Variants in ARFGEF2 observed in about 807,000 individuals in gnomAD.
ARFGEF2 encodes the protein brefeldin A-inhibited guanine nucleotide-exchange protein 2.
Under a neutral mutation model 219.9 loss-of-function variants are expected in ARFGEF2, and 74 were observed. That is an observed-to-expected ratio of 0.34 (90% CI 0.28 to 0.41). The LOEUF (loss-of-function observed/expected upper bound fraction) is 0.41, where lower values mean the gene tolerates loss of function less well. Ranked by LOEUF, ARFGEF2 falls within the 10% of genes least tolerant of loss-of-function variation. The pLI is 1.00. For missense variants in ARFGEF2, 1,743 were observed against 2,218.3 expected (o/e 0.79, Z 4.30); for synonymous variants, 733 against 799.2 (o/e 0.92, Z 1.40).
intron 1 of ARFGEF2, among the ~76,000 whole-genome samples, chr20:48,940,753 A>G (rs1280647995): frequency 6.6e-6 from 1 of 152,176 alleles, no homozygotes. Flanking sequence ...GGCAATGTCT[A>G]CAGACGTTTT....
chr20:48,967,010 C>A (rs1402099662), intron 8 of ARFGEF2, among the ~76,000 whole-genome samples: 1 of 152,072 alleles, frequency 6.6e-6, no homozygotes, highest in Non-Finnish European at 1.5e-5. Flanking sequence ...CCATACCTGG[C>A]TAATTTTTTA....
At position 48,929,848 on chromosome 20, in the gene ARFGEF2, C is replaced by T. The variant is rs1187004034; in HGVS notation, c.121+7838C>T. On this transcript the variant is annotated intron_variant, in intron 1 of 38. Transcript: ENST00000371917. Reference sequence around the variant, plus strand: ...ATGGAGTGGGAGTGGGAGAGGTAGGCCAAGACCCCAACATGCAAGGCCTGG... The same window carrying T: ...ATGGAGTGGGAGTGGGAGAGGTAGGTCAAGACCCCAACATGCAAGGCCTGG... Among the ~76,000 whole-genome samples the T allele has an allele frequency of 7.9e-5, 12 of 152,058 alleles. 1 individual carries two copies. The highest frequency in any genetic ancestry group is 7.9e-4 in the Admixed American group (12 of 15,272).
At chr20:48,959,559 C>CTCCCTCCTTTCTTCTCTCCT (rs2091131570) in intron 6 of ARFGEF2, among the ~76,000 whole-genome samples, 3 of 61,062 alleles carry the variant, frequency 4.9e-5, no homozygotes, top group African/African-American at 6.8e-5. Context: ...CCTTCCTTCC[C>CTCCCTCCTTTCTTCTCTCCT]TCCCTCCCTC....
At chr20:49,018,612 C>G (rs939179866) in intron 33 of ARFGEF2, among the ~76,000 whole-genome samples, 1 of 152,180 alleles carries the variant, frequency 6.6e-6, no homozygotes, top group African/African-American at 2.4e-5. Context: ...AAATTTGTCA[C>G]ACTTATTGTT....
chr20:49,013,083 GT>G (rs1430111677), intron 28 of ARFGEF2, among the ~76,000 whole-genome samples: 1 of 152,094 alleles, frequency 6.6e-6, no homozygotes, highest in Non-Finnish European at 1.5e-5. Context: ...TAGGACCATT[GT>G]TTCTACCTGC....
chr20:49,013,083 G>T (rs1600545502), intron 28 of ARFGEF2, among the ~76,000 whole-genome samples: 1 of 152,094 alleles, frequency 6.6e-6, no homozygotes, highest in Admixed American at 6.5e-5. Flanking sequence ...TAGGACCATT[G>T]TTTCTACCTG....
intron 23 of ARFGEF2, among the ~76,000 whole-genome samples, 193 bp downstream of exon 23, chr20:48,996,075 G>A (rs2091384250): frequency 6.6e-6 from 1 of 152,160 alleles, no homozygotes; most frequent in African/African-American, 2.4e-5. Context: ...GACAAATTAT[G>A]TCAAAAATAA....
At chr20:49,011,832 T>TGC in intron 27 of ARFGEF2, 92 bp from the exon 28 acceptor site, 1 of 459,798 alleles carries the variant, frequency 2.2e-6, no homozygotes, top group Non-Finnish European at 3.1e-6. Context: ...CTCTGATGTA[T>TGC]GTGTGTGTGT....
At chr20:48,960,640 CACCTGG>C (rs1213039132) in intron 6 of ARFGEF2, among the ~76,000 whole-genome samples, 1 of 151,736 alleles carries the variant, frequency 6.6e-6, no homozygotes, top group East Asian at 2.0e-4. Context: ...CCCGCTACCA[CACCTGG>C]CTAATTTTTG....
At chr20:48,985,373 C>T (rs781126357) in intron 15 of ARFGEF2, 35 bp from the exon 16 acceptor site, 2 of 1,610,678 alleles carry the variant, frequency 1.2e-6, no homozygotes, top group Non-Finnish European at 1.7e-6. Context: ...TCGTATTTGA[C>T]AATTTCTGGA....
intron 26 of ARFGEF2, among the ~76,000 whole-genome samples, chr20:49,006,632 C>CT (rs772358494): frequency 6.6e-6 from 1 of 152,188 alleles, no homozygotes; most frequent in Non-Finnish European, 1.5e-5. Context: ...CAGGAATAAT[C>CT]TGAGAGTGGC....
chr20:48,987,780 A>G (rs926613959), intron 16 of ARFGEF2, among the ~76,000 whole-genome samples: 1 of 152,052 alleles, frequency 6.6e-6, no homozygotes, highest in Non-Finnish European at 1.5e-5. Flanking sequence ...AAGAAGCCTC[A>G]ATTTTTATTA....
At chr20:48,953,376 A>G (rs985818312) in intron 5 of ARFGEF2, among the ~76,000 whole-genome samples, 180 bp from the exon 6 acceptor site, 2 of 151,838 alleles carry the variant, frequency 1.3e-5, no homozygotes, top group Non-Finnish European at 2.9e-5. Flanking sequence ...GAGTTTCACC[A>G]TGTTGCCCAG....
chr20:48,945,524 A>C (rs1214499730), intron 3 of ARFGEF2, among the ~76,000 whole-genome samples: 1 of 152,080 alleles, frequency 6.6e-6, no homozygotes, highest in Non-Finnish European at 1.5e-5. Flanking sequence ...GTTTCAACCC[A>C]CTGTGAATCT....
intron 9 of ARFGEF2, among the ~76,000 whole-genome samples, chr20:48,970,879 T>A (rs1332372729): frequency 6.6e-6 from 1 of 152,188 alleles, no homozygotes; most frequent in Non-Finnish European, 1.5e-5. Flanking sequence ...ACTTTGCTCC[T>A]GCTGTATTCT....
intron 1 of ARFGEF2, among the ~76,000 whole-genome samples, chr20:48,939,267 C>T (rs1260111454): frequency 6.6e-6 from 1 of 152,116 alleles, no homozygotes; most frequent in African/African-American, 2.4e-5. Context: ...GCCACCGCGC[C>T]TGGCCTATAG....
intron 37 of ARFGEF2, among the ~76,000 whole-genome samples, chr20:49,031,703 C>T (rs1320509630): frequency 2.0e-5 from 3 of 151,826 alleles, no homozygotes; most frequent in Non-Finnish European, 4.4e-5. Context: ...ATTGCTGAGC[C>T]CAGGAGTTCA....
At chr20:48,953,892 A>T (rs1395851915) in intron 6 of ARFGEF2, 102 bp downstream of exon 6, 1 of 1,130,214 alleles carries the variant, frequency 8.8e-7, no homozygotes, top group East Asian at 2.5e-5. Flanking sequence ...GAAACCTCTG[A>T]TAACAGCTTA....
At chr20:48,960,813 G>A (rs1333145558) in intron 6 of ARFGEF2, among the ~76,000 whole-genome samples, 2 of 150,366 alleles carry the variant, frequency 1.3e-5, no homozygotes, top group African/African-American at 4.9e-5. Context: ...TGGGCGCGGT[G>A]GCTTATGCCT....
Sources: gnomAD v4.1 joint callset for allele counts (sites outside exome capture counted in the v4.1 genomes callset) on GRCh38, gnomAD v4.1.1 for gene constraint, MANE v1.5 for transcripts, NCBI Gene and HGNC (gene_info 2026-07-23, HGNC 2026-07-21) for gene names.